MYO15A: variants seen among roughly 807,000 people sequenced by gnomAD.
MYO15A encodes myosin XVA, also known as unconventional myosin-XV.
In MYO15A, 308 loss-of-function variants were observed where a neutral mutation model predicts 394.6. The observed-to-expected ratio is 0.78, with a 90% CI of 0.71 to 0.86. The LOEUF is 0.86. Ranked by LOEUF, MYO15A falls within the 40% of genes least tolerant of loss-of-function variation. The pLI is 0.00. For synonymous variants in MYO15A, 1,957 were observed against 2,003.8 expected, an observed-to-expected ratio of 0.98 and a Z score of 0.62; for missense variants, 4,606 against 4,799.1, an observed-to-expected ratio of 0.96 and a Z score of 1.19.
In MYO15A at chr17:18,144,565, T is replaced by C. The variant is rs780624573; in HGVS notation, c.6246T>C (p.His2082=). Residue 2082 remains histidine (H), a synonymous_variant, in exon 29 of 66, where the codon CAT becomes CAC. Transcript: ENST00000647165. ...TPLTQLPAEH[H]AEAVSIFKLI... is the part of the protein sequence containing the mutation. The stretch of plus-strand genomic sequence containing the variant: ...TCACGCAGCTGCCAGCCGAGCACCA[T>C]GCAGAAGCCGTGAGCATCTTCAAGC... The C allele has an allele frequency of 1.9e-6, 3 of 1,612,934 alleles. No individual in the cohort carries two copies. The highest frequency in any genetic ancestry group is 2.2e-5 in the East Asian group (1 of 44,878).
chr17:18,178,858 C>A lies in MYO15A; in HGVS notation c.10581C>A (p.Ile3527=), dbSNP rs1313587197. Residue 3527 remains isoleucine (I), a synonymous_variant, in exon 66 of 66, where the codon ATC becomes ATA. Coordinates refer to ENST00000647165, the MANE Select transcript of MYO15A (RefSeq NM_016239.4). Reference sequence around the variant, plus strand: ...GGCTCACATTGCCCCCCAGCGAGATCACCCTGCTCTGACCCAGCCCCCAGC... The same window carrying A: ...GGCTCACATTGCCCCCCAGCGAGATAACCCTGCTCTGACCCAGCCCCCAGC... ...EKRLTLPPSE[I]TLL The A allele has an allele frequency of 1.2e-6, 2 of 1,613,210 alleles. No homozygotes were observed. Among genetic ancestry groups the A allele is most frequent in the Non-Finnish European group, 8.5e-7 (1 of 1,180,004 alleles).
Position 18,120,434 on chromosome 17 carries a change from C to T in MYO15A, c.1634C>T (p.Ala545Val), listed in dbSNP as rs199740747. Residue 545 changes from alanine to valine, a missense_variant, in exon 2 of 66, where the codon GCG (alanine) becomes GTG (valine). Coordinates refer to ENST00000647165, the MANE Select transcript of MYO15A (RefSeq NM_016239.4). ...LTPRQRNLQRALSAFGAHRGL... is the reference protein window; with the variant it reads ...LTPRQRNLQRVLSAFGAHRGL... ...CCGCGCCAGCGCAACCTCCAGCGCG[C>T]GCTGTCGGCCTTCGGCGCCCACCGG... 7.9e-4 allele frequency: 1,252 copies of T among 1,590,804 alleles called. 2 individuals are homozygous for T. The highest frequency in any genetic ancestry group is 4.8e-3 in the Middle Eastern group (28 of 5,790).
chr17:18,144,386 A>T, intron 28 of MYO15A, 111 bp from the exon 29 acceptor site: 2 of 1,024,534 alleles, frequency 2.0e-6, no homozygotes, highest in Non-Finnish European at 3.0e-6. Flanking sequence ...TACACTGAGG[A>T]CCAAAGCCCC....
At chr17:18,154,638 G>A (rs541871386) in intron 44 of MYO15A, 42 bp from the exon 45 acceptor site, 1 of 1,602,314 alleles carries the variant, frequency 6.2e-7, no homozygotes, top group Non-Finnish European at 8.5e-7. Context: ...TCCCAGCTGG[G>A]GGAGTCCCAT....
intron 13 of MYO15A, 73 bp from the exon 14 acceptor site, chr17:18,136,344 C>T (rs1223542907): frequency 6.3e-7 from 1 of 1,578,502 alleles, no homozygotes; most frequent in South Asian, 1.1e-5. Context: ...ATCCCACTCC[C>T]TTAGTCCCCT....
At chr17:18,131,170 A>G in intron 8 of MYO15A, 69 bp from the exon 9 acceptor site, 1 of 1,398,494 alleles carries the variant, frequency 7.2e-7, no homozygotes, top group Non-Finnish European at 1.0e-6. Flanking sequence ...GTCCCCAGCT[A>G]TGCCCCCCAC....
At chr17:18,164,218 C>T (rs2046817346) in intron 60 of MYO15A, 1 of 323,204 alleles carries the variant, frequency 3.1e-6, no homozygotes, top group African/African-American at 2.2e-5. Flanking sequence ...TCCTGCCTTT[C>T]ATGCCTTAAT....
intron 41 of MYO15A, 21 bp from the exon 42 acceptor site, chr17:18,152,091 A>G (rs1166605492): frequency 6.4e-7 from 1 of 1,550,928 alleles, no homozygotes; most frequent in Non-Finnish European, 8.7e-7. Flanking sequence ...CCCCCTGAGC[A>G]GTCTCTTTGG....
rs1209128573 is a variant in MYO15A, at chr17:18,176,067, TCCTC to T, written c.10491+2150_10491+2153del. 2.0e-5 allele frequency among the ~76,000 whole-genome samples: 3 copies of T among 152,118 alleles called. No individual in the cohort carries two copies. The East Asian group carries it at 5.8e-4, about 29-fold the overall frequency. Reference sequence around the variant, plus strand: ...TTTTTCTAGAAGCTTTCCCTAACCTTCCTCCCTAAGAACTCACGATCCCTGCCCC... The same window carrying T: ...TTTTTCTAGAAGCTTTCCCTAACCTTCCTAAGAACTCACGATCCCTGCCCC... On this transcript the variant is annotated intron_variant, in intron 65 of 65. Coordinates refer to ENST00000647165, the MANE Select transcript of MYO15A (RefSeq NM_016239.4).
intron 1 of MYO15A, among the ~76,000 whole-genome samples, chr17:18,116,938 A>G (rs1388084274): frequency 6.6e-6 from 1 of 150,630 alleles, no homozygotes; most frequent in Non-Finnish European, 1.5e-5. Flanking sequence ...AAAAAGAAAG[A>G]AAGAAAGAAC....
In MYO15A at chr17:18,153,169, C is replaced by T. The variant is rs369813016; in HGVS notation, c.7967-606C>T. Among the ~76,000 whole-genome samples, 25 of 152,134 alleles carry T rather than the reference C, an allele frequency of 1.6e-4. No homozygotes were observed. The East Asian group carries it at 4.6e-3, about 28-fold the overall frequency. ...CTGTAATCCCAGCACTTTGGGAGTC[C>T]GAGGCGGGCGGATCACAAGGTCAAG... is the stretch of plus-strand genomic sequence containing the variant. On this transcript the variant is annotated intron_variant, in intron 42 of 65. Coordinates refer to ENST00000647165, the MANE Select transcript of MYO15A (RefSeq NM_016239.4). This position sits in a 1 kb window ranked among gnomAD's most constrained non-coding sequence, Gnocchi z 4.1.
In MYO15A at chr17:18,135,329, C is replaced by T. The variant is rs537764473; in HGVS notation, c.4483-382C>T. ...GGGATTACAGGCACCCGCCACCACGCGTGGCTATTTTTGTTTTTTTAAGTT... is the reference window on the plus strand; with the variant it reads ...GGGATTACAGGCACCCGCCACCACGTGTGGCTATTTTTGTTTTTTTAAGTT... On this transcript the variant is annotated intron_variant, in intron 12 of 65. Transcript: ENST00000647165. Among the ~76,000 whole-genome samples the T allele has an allele frequency of 9.8e-4, 149 of 152,198 alleles. 1 individual carries two copies. The highest frequency in any genetic ancestry group is 3.2e-3 in the African/African-American group (132 of 41,522).
In MYO15A at chr17:18,132,563, C is replaced by G; in HGVS notation, c.4317C>G (p.Asn1439Lys). ...LQEAETYYYL[N>K]QGGNCEIAGK... ...AGGCTGAGACCTACTACTATCTGAACCAGGTGAGTGCCAGCAGGCATCTGA... is the reference window on the plus strand; with the variant it reads ...AGGCTGAGACCTACTACTATCTGAAGCAGGTGAGTGCCAGCAGGCATCTGA... The change falls in exon 11 of 66, where the codon AAC becomes AAG. Residue 1439 changes from asparagine (N) to lysine (K), a missense_variant. Physicochemically the swap from Asn to Lys is moderately conservative, Grantham distance 94 (BLOSUM62 0). Coordinates refer to ENST00000647165, the MANE Select transcript of MYO15A (RefSeq NM_016239.4). This position sits in a 1 kb window ranked among gnomAD's most constrained non-coding sequence, Gnocchi z 4.6. The G allele has an allele frequency of 6.2e-7, 1 of 1,610,616 alleles. No homozygotes were observed. Among genetic ancestry groups the G allele is most frequent in the Non-Finnish European group, 8.5e-7 (1 of 1,179,826 alleles).
intron 57 of MYO15A, among the ~76,000 whole-genome samples, chr17:18,162,013 C>T (rs1029665574): frequency 1.3e-5 from 2 of 152,200 alleles, no homozygotes; most frequent in Admixed American, 6.5e-5. Flanking sequence ...CCTTACCCTT[C>T]CTGCCTCTGA....
At chr17:18,128,701 C>T (rs1031341482) in intron 7 of MYO15A, among the ~76,000 whole-genome samples, 8 of 152,190 alleles carry the variant, frequency 5.3e-5, no homozygotes, top group African/African-American at 9.6e-5. Flanking sequence ...CTTCAGTTAT[C>T]GTCACACCGG....
intron 24 of MYO15A, 49 bp from the exon 25 acceptor site, chr17:18,142,707 C>T (rs1471073783): frequency 1.3e-6 from 2 of 1,540,762 alleles, no homozygotes; most frequent in African/African-American, 2.7e-5. Flanking sequence ...TTTGGTCACC[C>T]TGTCACCCTG....
In MYO15A at chr17:18,119,716, G is replaced by A. The variant is rs372751296; in HGVS notation, c.916G>A (p.Gly306Ser). ...CCCCTTTGATCCGGGGTACACCTACGGCTACGGCTACGACGATTACGAACC... is the reference window on the plus strand; with the variant it reads ...CCCCTTTGATCCGGGGTACACCTACAGCTACGGCTACGACGATTACGAACC... ...GGPFDPGYTY[G>S]YGYDDYEPPY... is the part of the protein sequence containing the mutation. The change falls in exon 2 of 66, where the codon GGC (glycine) becomes AGC (serine). Residue 306 changes from glycine to serine, a missense_variant. Physicochemically the swap from Gly to Ser is moderately conservative, Grantham distance 56. Around this residue, in one of 2 missense-constraint regions of MYO15A, gnomAD observed 1,830 missense variants for 1,689.7 expected, o/e 1.08. Coordinates refer to ENST00000647165, the MANE Select transcript of MYO15A (RefSeq NM_016239.4). The A allele has an allele frequency of 1.6e-5, 26 of 1,611,572 alleles. No individual in the cohort carries two copies. Among genetic ancestry groups the A allele is most frequent in the African/African-American group, 2.7e-5 (2 of 74,972 alleles).
In MYO15A at chr17:18,156,250, C is replaced by G; in HGVS notation, c.8515C>G (p.Leu2839Val). Residue 2839 changes from leucine to valine, a missense_variant, in exon 48 of 66, where the codon CTG (leucine) becomes GTG (valine). Physicochemically the swap from Leu to Val is conservative, Grantham distance 32 (BLOSUM62 1). Around this residue, in one of 2 missense-constraint regions of MYO15A, gnomAD observed 2,776 missense variants for 3,109.3 expected, o/e 0.89. Coordinates refer to ENST00000647165, the MANE Select transcript of MYO15A (RefSeq NM_016239.4). ...MPSQNMLEFN[L>V]ASEKVILFSA... is the part of the protein sequence containing the mutation. ...CTCCCAGAACATGCTGGAGTTCAAC[C>G]TGGCCAGTGAGAAGGTCATCCTCTT... is the stretch of plus-strand genomic sequence containing the variant. The G allele has an allele frequency of 1.2e-6, 2 of 1,614,172 alleles. No individual in the cohort carries two copies. Among genetic ancestry groups the G allele is most frequent in the Non-Finnish European group, 1.7e-6 (2 of 1,180,022 alleles).
At chr17:18,137,128 G>A (rs1354483589) in intron 15 of MYO15A, among the ~76,000 whole-genome samples, 3 of 152,242 alleles carry the variant, frequency 2.0e-5, no homozygotes, top group Non-Finnish European at 1.5e-5. Context: ...TGAGTGCACA[G>A]CAAAGGAAGT....
Sources: allele counts gnomAD v4.1 joint callset (sites outside exome capture counted in the v4.1 genomes callset), GRCh38; gene constraint gnomAD v4.1.1; regional missense constraint gnomAD v4.1.1; non-coding constraint Gnocchi (gnomAD v3.1); transcripts MANE v1.5; gene names NCBI Gene and HGNC (gene_info 2026-07-23, HGNC 2026-07-21).